Variants in GNAI1 observed in about 807,000 individuals in gnomAD.
The protein encoded by GNAI1 is G protein subunit alpha i1.
GNAI1 carries 11 observed loss-of-function variants against 38.9 expected under a neutral mutation model. The observed-to-expected ratio is 0.28, with a 90% CI of 0.18 to 0.47. GNAI1 has a LOEUF of 0.47. Ranked by LOEUF, GNAI1 falls within the 20% of genes least tolerant of loss-of-function variation. The pLI, the probability that GNAI1 is intolerant of heterozygous loss-of-function variation, is 0.99. For missense variants in GNAI1, 317 were observed against 436.9 expected, an observed-to-expected ratio of 0.73 and a Z score of 2.45; for synonymous variants, 166 against 145.1, an observed-to-expected ratio of 1.14 and a Z score of -1.04.
rs1404089157 is a variant in GNAI1, at chr7:80,219,579, C to T, written c.*2086C>T. On this transcript the variant is annotated 3_prime_UTR_variant, in exon 8 of 8. Transcript: ENST00000649796. ...ATTTGGAATTGCCTTCTTGATATCC[C>T]CTTCTGAGAATGCATTGCCTGCTTT... Among the ~76,000 whole-genome samples the T allele has an allele frequency of 6.6e-6, 1 of 152,076 alleles. No individual in the cohort carries two copies. Among genetic ancestry groups the T allele is most frequent in the East Asian group, 1.9e-4 (1 of 5,192 alleles).
At chr7:80,165,049 T>G (rs1002699297) in intron 1 of GNAI1, among the ~76,000 whole-genome samples, 4 of 152,186 alleles carry the variant, frequency 2.6e-5, no homozygotes, top group Admixed American at 6.5e-5. Flanking sequence ...GCCAGCTCTT[T>G]TGTATGTTCC....
intron 7 of GNAI1, 83 bp from the exon 8 acceptor site, chr7:80,217,220 T>G: frequency 1.1e-6 from 1 of 896,196 alleles, no homozygotes; most frequent in South Asian, 2.0e-5. Context: ...GACTTCAGTT[T>G]CATATGTATG....
At chr7:80,207,063 G>A (rs1788788498) in intron 5 of GNAI1, among the ~76,000 whole-genome samples, 1 of 152,018 alleles carries the variant, frequency 6.6e-6, no homozygotes, top group Non-Finnish European at 1.5e-5. Flanking sequence ...AAAGATTCTA[G>A]ACTTAGGTTC....
At position 80,216,102 on chromosome 7, in the gene GNAI1, GT is replaced by G. The variant is rs371497283; in HGVS notation, c.875-1194del. On this transcript the variant is annotated intron_variant, in intron 7 of 7. Coordinates refer to ENST00000649796, the MANE Select transcript of GNAI1 (RefSeq NM_002069.6). ...CCAAATGAAATTTGAATGTTTTTCA[GT>G]TTTTTTATTGAAGCATTACATAGAG... Among the ~76,000 whole-genome samples, 461 of 152,140 alleles carry G rather than the reference GT, an allele frequency of 3.0e-3. 6 individuals carry two copies. The highest frequency in any genetic ancestry group is 0.011 in the African/African-American group (444 of 41,496).
intron 7 of GNAI1, among the ~76,000 whole-genome samples, chr7:80,215,565 A>G (rs1042181317): frequency 2.6e-5 from 4 of 152,184 alleles, no homozygotes; most frequent in African/African-American, 9.7e-5. Flanking sequence ...ACATTACACA[A>G]CATTCCTATG....
chr7:80,194,908 T>C (rs1396305357), intron 3 of GNAI1, among the ~76,000 whole-genome samples: 1 of 152,044 alleles, frequency 6.6e-6, no homozygotes, highest in African/African-American at 2.4e-5. Flanking sequence ...TTTTTCCACA[T>C]GAATGTTTGA....
Position 80,222,480 on chromosome 7 carries a change from C to T in GNAI1, c.*4987C>T, listed in dbSNP as rs749998012. Among the ~76,000 whole-genome samples the T allele has an allele frequency of 1.3e-5, 2 of 151,080 alleles. No homozygotes were observed. The highest frequency in any genetic ancestry group is 2.1e-4 in the South Asian group (1 of 4,754). On this transcript the variant is annotated 3_prime_UTR_variant, in exon 8 of 8. Coordinates refer to ENST00000649796, the MANE Select transcript of GNAI1 (RefSeq NM_002069.6). ...TCGGCTCACCGCAACATCCGCCTCC[C>T]GGGTACAAGCAATTCTCCTGCCTCA...
intron 1 of GNAI1, among the ~76,000 whole-genome samples, chr7:80,139,977 T>TC (rs1787495446): frequency 1.4e-5 from 2 of 144,974 alleles, no homozygotes; most frequent in Non-Finnish European, 3.1e-5. Context: ...GGCCCCAATT[T>TC]CTTTTTTTTT....
intron 1 of GNAI1, among the ~76,000 whole-genome samples, chr7:80,170,488 A>G (rs1031889582): frequency 6.6e-6 from 1 of 152,198 alleles, no homozygotes; most frequent in Non-Finnish European, 1.5e-5. Context: ...CTGCACTGCT[A>G]TCAAGAAATA....
intron 1 of GNAI1, among the ~76,000 whole-genome samples, chr7:80,159,927 T>C (rs1272439127): frequency 6.6e-6 from 1 of 151,966 alleles, no homozygotes; most frequent in Admixed American, 6.6e-5. Flanking sequence ...TATTGGGATA[T>C]ATGTTAAGTG....
intron 1 of GNAI1, among the ~76,000 whole-genome samples, chr7:80,175,006 C>T (rs1788157706): frequency 6.6e-6 from 1 of 152,154 alleles, no homozygotes; most frequent in African/African-American, 2.4e-5. Flanking sequence ...TACAGTACTC[C>T]TGTATACCAA....
chr7:80,168,477 T>C (rs1164203714), intron 1 of GNAI1, among the ~76,000 whole-genome samples: 1 of 152,158 alleles, frequency 6.6e-6, no homozygotes, highest in Non-Finnish European at 1.5e-5. Context: ...AAGCTCCGCC[T>C]CCTGGGTTCA....
In GNAI1 at chr7:80,224,874, ACTT is replaced by A. The variant is rs927038018; in HGVS notation, c.*7382_*7384del. Among the ~76,000 whole-genome samples the A allele has an allele frequency of 2.6e-5, 4 of 152,206 alleles. No homozygotes were observed. The highest frequency in any genetic ancestry group is 1.3e-4 in the Admixed American group (2 of 15,278). ...TTGGGTTATATAATTTTAAAATTCT[ACTT>A]TTTTTTACATTTTTAATGTGGTTTT... On this transcript the variant is annotated 3_prime_UTR_variant, in exon 8 of 8. Coordinates refer to ENST00000649796, the MANE Select transcript of GNAI1 (RefSeq NM_002069.6).
chr7:80,142,430 C>T (rs566974421), intron 1 of GNAI1, among the ~76,000 whole-genome samples: 82 of 152,276 alleles, frequency 5.4e-4, no homozygotes, highest in Non-Finnish European at 8.7e-4. Context: ...TGACATTTTT[C>T]CTGATCATCC....
intron 5 of GNAI1, among the ~76,000 whole-genome samples, chr7:80,210,562 T>G (rs1266480030): frequency 1.3e-5 from 2 of 152,182 alleles, no homozygotes; most frequent in African/African-American, 4.8e-5. Flanking sequence ...GTTCCGTGAC[T>G]GTGGCAAATG....
At chr7:80,181,492 C>T (rs1293193246) in intron 1 of GNAI1, among the ~76,000 whole-genome samples, 2 of 152,126 alleles carry the variant, frequency 1.3e-5, no homozygotes, top group African/African-American at 4.8e-5. Context: ...TGCCTGTGGC[C>T]TCTGGTCCTC....
chr7:80,206,453 A>T (rs1198938265), intron 5 of GNAI1, among the ~76,000 whole-genome samples: 1 of 152,054 alleles, frequency 6.6e-6, no homozygotes, highest in Non-Finnish European at 1.5e-5. Flanking sequence ...ATAATATTAA[A>T]TAAACAAACT....
intron 4 of GNAI1, among the ~76,000 whole-genome samples, chr7:80,200,558 A>C (rs906506299): frequency 1.3e-5 from 2 of 152,100 alleles, no homozygotes; most frequent in African/African-American, 4.8e-5. Flanking sequence ...GATAGATGAC[A>C]AATTTTGAAA....
rs1789128670 is a variant in GNAI1, at chr7:80,224,579, C to T, written c.*7086C>T. Reference sequence around the variant, plus strand: ...AGTGCAGCATGTCCAACAGCATTGCCTGAACAGATGTTAATAAGTATGCAT... The same window carrying T: ...AGTGCAGCATGTCCAACAGCATTGCTTGAACAGATGTTAATAAGTATGCAT... On this transcript the variant is annotated 3_prime_UTR_variant, in exon 8 of 8. Coordinates refer to ENST00000649796, the MANE Select transcript of GNAI1 (RefSeq NM_002069.6). Among the ~76,000 whole-genome samples the T allele has an allele frequency of 6.6e-6, 1 of 152,202 alleles. No individual in the cohort carries two copies. Among genetic ancestry groups the T allele is most frequent in the Non-Finnish European group, 1.5e-5 (1 of 68,044 alleles).
Sources: allele counts gnomAD v4.1 joint callset (sites outside exome capture counted in the v4.1 genomes callset), GRCh38; gene constraint gnomAD v4.1.1; transcripts MANE v1.5; gene names NCBI Gene and HGNC (gene_info 2026-07-23, HGNC 2026-07-21).